SLCO2A1: variants seen among roughly 807,000 people sequenced by gnomAD.
SLCO2A1 encodes matrin F/G 1.
Under a neutral mutation model 71.7 loss-of-function variants are expected in SLCO2A1, and 60 were observed. The ratio of observed to expected loss-of-function variants is 0.84; its 90% CI spans 0.68 to 1.04. The LOEUF is 1.04. SLCO2A1 is among the 50% of genes least tolerant of loss of function. The pLI, the probability that SLCO2A1 is intolerant of heterozygous loss-of-function variation, is 0.00. For missense variants in SLCO2A1, 745 were observed against 813.4 expected (o/e 0.92, Z 1.02); for synonymous variants, 308 against 326.7 (o/e 0.94, Z 0.62).
At chr3:133,985,527 T>C (rs188111656) in intron 1 of SLCO2A1, among the ~76,000 whole-genome samples, 20 of 152,370 alleles carry the variant, frequency 1.3e-4, no homozygotes, top group African/African-American at 4.8e-4. Context: ...CATTATCTTC[T>C]TTAAAATGGT....
intron 1 of SLCO2A1, among the ~76,000 whole-genome samples, chr3:133,991,586 T>C (rs1934847314): frequency 1.3e-5 from 2 of 151,828 alleles, no homozygotes; most frequent in Non-Finnish European, 1.5e-5. Context: ...AAGCCTTTGA[T>C]AAGACATGGT....
chr3:133,963,204 T>G (rs1168376780), intron 3 of SLCO2A1, among the ~76,000 whole-genome samples: 1 of 152,068 alleles, frequency 6.6e-6, no homozygotes, highest in Non-Finnish European at 1.5e-5. Context: ...CTCAGCAGCT[T>G]TAGAAATGTA....
chr3:133,934,932 C>T (rs534740983), intron 13 of SLCO2A1, 102 bp from the exon 14 acceptor site: 24 of 911,380 alleles, frequency 2.6e-5, no homozygotes, highest in African/African-American at 4.9e-5. Flanking sequence ...CACGCTGGCC[C>T]GCGGAAGGTG....
chr3:133,960,350 C>T (rs752152888), intron 3 of SLCO2A1, among the ~76,000 whole-genome samples: 3 of 152,094 alleles, frequency 2.0e-5, no homozygotes, highest in Admixed American at 6.5e-5. Context: ...GTGGTATATG[C>T]AATGGAATAT....
intron 1 of SLCO2A1, among the ~76,000 whole-genome samples, chr3:134,027,177 G>A (rs1935714736): frequency 6.6e-6 from 1 of 152,104 alleles, no homozygotes; most frequent in African/African-American, 2.4e-5. Context: ...CTCAAAGGAG[G>A]GGAATAAGGG....
chr3:133,949,610 G>T (rs1394995943), intron 6 of SLCO2A1, among the ~76,000 whole-genome samples: 1 of 152,150 alleles, frequency 6.6e-6, no homozygotes, highest in Admixed American at 6.5e-5. Flanking sequence ...GACAGCATTA[G>T]GATCCTGCTG....
chr3:134,008,979 G>A (rs913976389), intron 1 of SLCO2A1, among the ~76,000 whole-genome samples: 3 of 152,126 alleles, frequency 2.0e-5, no homozygotes, highest in Admixed American at 2.0e-4. Flanking sequence ...CCATCCTCTT[G>A]GCTGCAATCC....
intron 11 of SLCO2A1, among the ~76,000 whole-genome samples, chr3:133,940,205 T>G (rs183335981): frequency 1.3e-3 from 202 of 152,308 alleles, no homozygotes; most frequent in African/African-American, 4.6e-3. Flanking sequence ...TGACCTCAGG[T>G]GGTCCACCCA....
At chr3:133,965,248 T>C (rs1934136558) in intron 3 of SLCO2A1, among the ~76,000 whole-genome samples, 1 of 152,164 alleles carries the variant, frequency 6.6e-6, no homozygotes, top group Non-Finnish European at 1.5e-5. Flanking sequence ...ATGGTGTTAC[T>C]TGATTGGAAG....
At chr3:133,946,062 A>T (rs976485666) in intron 9 of SLCO2A1, among the ~76,000 whole-genome samples, 8 of 151,974 alleles carry the variant, frequency 5.3e-5, no homozygotes, top group Non-Finnish European at 1.2e-4. Context: ...CATGTGCTAA[A>T]CTCCCAGTGG....
chr3:133,989,713 C>T (rs1355059942), intron 1 of SLCO2A1, among the ~76,000 whole-genome samples: 2 of 152,234 alleles, frequency 1.3e-5, no homozygotes, highest in South Asian at 4.1e-4. Context: ...GAATAACCCC[C>T]TCTGCTTTTA....
intron 1 of SLCO2A1, among the ~76,000 whole-genome samples, chr3:134,008,256 G>T (rs892435412): frequency 6.6e-6 from 1 of 152,256 alleles, no homozygotes; most frequent in South Asian, 2.1e-4. Flanking sequence ...GATATGCTTT[G>T]TGACTTTGTA....
At chr3:133,966,028 A>G (rs1934156237) in intron 3 of SLCO2A1, among the ~76,000 whole-genome samples, 1 of 152,208 alleles carries the variant, frequency 6.6e-6, no homozygotes. Context: ...GCAGCCTTAC[A>G]GTCCCCATTC....
chr3:134,023,976 C>T (rs1016669205), intron 1 of SLCO2A1, among the ~76,000 whole-genome samples: 7 of 152,234 alleles, frequency 4.6e-5, no homozygotes, highest in Non-Finnish European at 7.3e-5. Context: ...ATCCAGCCTC[C>T]GTTTCCCAAC....
At chr3:134,012,957 C>T (rs534514244) in intron 1 of SLCO2A1, among the ~76,000 whole-genome samples, 1 of 152,304 alleles carries the variant, frequency 6.6e-6, no homozygotes, top group East Asian at 1.9e-4. Flanking sequence ...TTCCCAGTTT[C>T]AAAACTGAAA....
intron 6 of SLCO2A1, 39 bp from the exon 7 acceptor site, chr3:133,949,010 C>G (rs774583521): frequency 7.1e-6 from 11 of 1,551,288 alleles, no homozygotes; most frequent in Non-Finnish European, 6.2e-6. Flanking sequence ...ACGGCCCAGG[C>G]TCACTGTAGC....
At chr3:133,938,578 G>T in intron 11 of SLCO2A1, 85 bp from the exon 12 acceptor site, 1 of 1,298,664 alleles carries the variant, frequency 7.7e-7, no homozygotes, top group Non-Finnish European at 1.1e-6. Context: ...CTCAGAGCAG[G>T]TCAGAACCAG....
At chr3:133,977,795 G>A (rs1251086449) in intron 2 of SLCO2A1, among the ~76,000 whole-genome samples, 6 of 152,114 alleles carry the variant, frequency 3.9e-5, no homozygotes, top group Admixed American at 3.3e-4. Context: ...GGTCAACATC[G>A]ATGAGGGTCA....
chr3:133,995,015 A>G (rs1167352291), intron 1 of SLCO2A1, among the ~76,000 whole-genome samples: 1 of 152,146 alleles, frequency 6.6e-6, no homozygotes, highest in African/African-American at 2.4e-5. Flanking sequence ...TATAACACTC[A>G]TCTTTTAAAA....
Sources: gnomAD v4.1 joint callset for allele counts (sites outside exome capture counted in the v4.1 genomes callset) on GRCh38, gnomAD v4.1.1 for gene constraint, MANE v1.5 for transcripts, NCBI Gene and HGNC (gene_info 2026-07-23, HGNC 2026-07-21) for gene names.